Variants in ZNF521 observed in about 807,000 individuals in gnomAD.
ZNF521 encodes the protein LYST-interacting protein 3.
A neutral mutation model predicts 105.5 loss-of-function variants in ZNF521; 14 were observed. That is an observed-to-expected ratio of 0.13 (90% CI 0.09 to 0.21). The LOEUF (loss-of-function observed/expected upper bound fraction) is 0.21. ZNF521 is among the 10% of genes least tolerant of loss of function. The pLI is 1.00. For synonymous variants in ZNF521, 635 were observed against 606.0 expected, an observed-to-expected ratio of 1.05 and a Z score of -0.70; for missense variants, 1,233 against 1,629.7, an observed-to-expected ratio of 0.76 and a Z score of 4.19.
At chr18:25,139,060 G>A (rs2034792683) in intron 5 of ZNF521, among the ~76,000 whole-genome samples, 1 of 152,100 alleles carries the variant, frequency 6.6e-6, no homozygotes, top group African/African-American at 2.4e-5. Context: ...CGTTCCATGT[G>A]CCTCCACCAA....
intron 7 of ZNF521, among the ~76,000 whole-genome samples, chr18:25,072,992 G>C (rs2033264107): frequency 6.6e-6 from 1 of 152,068 alleles, no homozygotes; most frequent in Non-Finnish European, 1.5e-5. Context: ...CCTTCTTCGT[G>C]CTCTAATTTT....
Position 25,113,868 on chromosome 18 carries a change from A to G in ZNF521, c.3659-21787T>C, listed in dbSNP as rs2034250694. Reference sequence around the variant, plus strand: ...TGACATACTCACTCTATCACTGGACAGTTTGAGACTGGAAACTAGAGAATA... The same window carrying G: ...TGACATACTCACTCTATCACTGGACGGTTTGAGACTGGAAACTAGAGAATA... On this transcript the variant is annotated intron_variant, in intron 5 of 7. Transcript: ENST00000361524. 1.3e-5 allele frequency among the ~76,000 whole-genome samples: 2 copies of G among 152,092 alleles called. 1 individual carries two copies. Among genetic ancestry groups the G allele is most frequent in the South Asian group, 4.2e-4 (2 of 4,816 alleles).
At chr18:25,277,356 T>G (rs1600247140) in intron 3 of ZNF521, among the ~76,000 whole-genome samples, 1 of 152,190 alleles carries the variant, frequency 6.6e-6, no homozygotes, top group South Asian at 2.1e-4. Context: ...CCTTTCCTAT[T>G]GCCACAAACC....
intron 4 of ZNF521, 55 bp from the exon 5 acceptor site, chr18:25,195,299 C>A: frequency 7.2e-7 from 1 of 1,381,424 alleles, no homozygotes; most frequent in Non-Finnish European, 9.9e-7. Flanking sequence ...TTAATTGTTT[C>A]TTTGTTTAAA....
At chr18:25,139,374 A>AAAAG (rs2034801976) in intron 5 of ZNF521, among the ~76,000 whole-genome samples, 2 of 21,876 alleles carry the variant, frequency 9.1e-5, no homozygotes, top group African/African-American at 3.7e-4. Context: ...CTCTGTCTCA[A>AAAAG]AAAAAAAAAA....
At chr18:25,083,160 G>A (rs2033541105) in intron 7 of ZNF521, among the ~76,000 whole-genome samples, 1 of 152,098 alleles carries the variant, frequency 6.6e-6, no homozygotes, top group South Asian at 2.1e-4. Context: ...GTATTAGTTT[G>A]GAATACATTT....
At chr18:25,212,335 C>A (rs2144688324) in intron 4 of ZNF521, among the ~76,000 whole-genome samples, 1 of 150,472 alleles carries the variant, frequency 6.6e-6, no homozygotes, top group East Asian at 2.0e-4. Context: ...CATAGTGAAA[C>A]CCTGTCTCTA....
In ZNF521 at chr18:25,233,841, C is replaced by T. The variant is rs148906701; in HGVS notation, c.221-6144G>A. On this transcript the variant is annotated intron_variant, in intron 3 of 7. Transcript: ENST00000361524. ...ATCCATTCTTTCACCAGACACATTT[C>T]GATTGCATGTGCAGGGAGAAGTATA... Among the ~76,000 whole-genome samples the T allele has an allele frequency of 6.6e-5, 10 of 152,246 alleles. No individual in the cohort carries two copies. In the East Asian group the frequency reaches 1.2e-3, roughly 18 times the overall value.
rs377472841 is a variant in ZNF521, at chr18:25,106,014, TTTGTTG to T, written c.3659-13939_3659-13934del. On this transcript the variant is annotated intron_variant, in intron 5 of 7. Coordinates refer to ENST00000361524, the MANE Select transcript of ZNF521 (RefSeq NM_015461.3). Reference sequence around the variant, plus strand: ...TTAAGGCCAAAAATGTGGTATTCGTTTTGTTGTTGTTGTTGTTGTTTCTGAATTTAT... The same window carrying T: ...TTAAGGCCAAAAATGTGGTATTCGTTTTGTTGTTGTTGTTTCTGAATTTAT... Among the ~76,000 whole-genome samples the T allele has an allele frequency of 1.0e-3, 154 of 152,024 alleles. 1 individual carries two copies. Among genetic ancestry groups the T allele is most frequent in the African/African-American group, 3.5e-3 (145 of 41,382 alleles).
At chr18:25,242,254 T>G (rs547129381) in intron 3 of ZNF521, among the ~76,000 whole-genome samples, 1 of 152,144 alleles carries the variant, frequency 6.6e-6, no homozygotes, top group African/African-American at 2.4e-5. Context: ...CAAATCCACA[T>G]CCCCGATCTC....
chr18:25,349,158 C>A (rs542773532), intron 2 of ZNF521, among the ~76,000 whole-genome samples: 4 of 152,144 alleles, frequency 2.6e-5, no homozygotes, highest in African/African-American at 9.7e-5. Flanking sequence ...CGCTATCCTA[C>A]TTCAACTCGG....
chr18:25,104,788 T>C (rs1310435077), intron 5 of ZNF521, among the ~76,000 whole-genome samples: 2 of 152,046 alleles, frequency 1.3e-5, no homozygotes, highest in Admixed American at 6.6e-5. Flanking sequence ...AGTTCAGAAA[T>C]TGAAACAAGA....
intron 7 of ZNF521, among the ~76,000 whole-genome samples, chr18:25,065,633 AAAT>A (rs2033038454): frequency 6.6e-6 from 1 of 151,858 alleles, no homozygotes; most frequent in South Asian, 2.1e-4. Context: ...TCTTCTTACC[AAAT>A]AAAAAAAAAA....
chr18:25,130,697 C>A lies in ZNF521; in HGVS notation c.3659-38616G>T, dbSNP rs558388693. ...ATGGCTCACACTTGTTATCCCAGCA[C>A]TTTGGGAAGCTGAGGTGAGATGATT... On this transcript the variant is annotated intron_variant, in intron 5 of 7. Transcript: ENST00000361524. Among the ~76,000 whole-genome samples, 7 of 152,240 alleles carry A rather than the reference C, an allele frequency of 4.6e-5. No homozygotes were observed. The East Asian group carries it at 1.2e-3, about 25-fold the overall frequency.
Position 25,226,946 on chromosome 18 carries a change from TTCC to T in ZNF521, c.969_971del (p.Glu324del). On this transcript the variant is annotated inframe_deletion, in exon 4 of 8. Transcript: ENST00000361524. The surrounding 1 kb of genome is among the most constrained non-coding windows in gnomAD (Gnocchi z 4.1). ...GGTGACTGTCCATGTGGCTGTACAG[TTCC>T]TCAACTGTGTGGAAACTCTCAGAAC... 1 of 1,613,946 alleles carries T rather than the reference TTCC, an allele frequency of 6.2e-7. No homozygotes were observed. Among genetic ancestry groups the T allele is most frequent in the South Asian group, 1.1e-5 (1 of 91,068 alleles).
intron 5 of ZNF521, among the ~76,000 whole-genome samples, chr18:25,165,487 G>A (rs1285779627): frequency 6.6e-6 from 1 of 152,220 alleles, no homozygotes; most frequent in South Asian, 2.1e-4. Context: ...CTCATACAGT[G>A]TGAGCAGCTC....
intron 3 of ZNF521, among the ~76,000 whole-genome samples, chr18:25,320,167 A>G (rs1054193510): frequency 7.9e-5 from 12 of 152,044 alleles, no homozygotes; most frequent in Admixed American, 6.6e-4. Context: ...TATTTGTGTT[A>G]AAGGTTAACT....
chr18:25,139,441 AG>A (rs1392874587), intron 5 of ZNF521, among the ~76,000 whole-genome samples: 1 of 150,658 alleles, frequency 6.6e-6, no homozygotes, highest in African/African-American at 2.5e-5. Flanking sequence ...CTGTAGCAAA[AG>A]ACCATACAGG....
intron 4 of ZNF521, among the ~76,000 whole-genome samples, chr18:25,213,285 AT>A (rs1172808807): frequency 6.7e-6 from 1 of 150,202 alleles, no homozygotes; most frequent in Non-Finnish European, 1.5e-5. Flanking sequence ...CTTGCTTAAG[AT>A]AATATTTTAA....
Sources: allele counts gnomAD v4.1 joint callset (sites outside exome capture counted in the v4.1 genomes callset), GRCh38; gene constraint gnomAD v4.1.1; non-coding constraint Gnocchi (gnomAD v3.1); transcripts MANE v1.5; gene names NCBI Gene and HGNC (gene_info 2026-07-23, HGNC 2026-07-21).